The following CELF4 variants were observed in gnomAD, a reference collection of about 807,000 sequenced individuals.
CELF4 encodes the protein CUGBP Elav-like family member 4.
In CELF4, 18 loss-of-function variants were observed where a neutral mutation model predicts 59.9. The ratio of observed to expected loss-of-function variants is 0.30; its 90% CI spans 0.21 to 0.45. The LOEUF (loss-of-function observed/expected upper bound fraction) is 0.45, where lower values mean the gene tolerates loss of function less well. CELF4 is among the 20% of genes least tolerant of loss of function. The pLI is 1.00. For missense variants in CELF4, 456 were observed against 689.0 expected (o/e 0.66, Z 3.79); for synonymous variants, 261 against 267.1 (o/e 0.98, Z 0.22).
chr18:37,510,168 G>A (rs1271090290), intron 1 of CELF4, among the ~76,000 whole-genome samples: 1 of 152,160 alleles, frequency 6.6e-6, no homozygotes, highest in Non-Finnish European at 1.5e-5. Flanking sequence ...GAAAAGAAGA[G>A]TAAAGAAAAG....
chr18:37,289,353 AAG>A (rs10598331), intron 3 of CELF4, among the ~76,000 whole-genome samples: 79,403 of 151,596 alleles, frequency 0.52, 21,927 homozygotes, highest in African/African-American at 0.7. Context: ...ACAGAATGCA[AAG>A]AGCTTCGTTA....
intron 1 of CELF4, among the ~76,000 whole-genome samples, chr18:37,508,114 T>A (rs2099940243): frequency 6.6e-6 from 1 of 152,234 alleles, no homozygotes; most frequent in Admixed American, 6.5e-5. Context: ...TCTGGGCCTC[T>A]CCTTTCTCCC....
chr18:37,301,061 G>A (rs2095998163), intron 3 of CELF4, among the ~76,000 whole-genome samples: 1 of 152,154 alleles, frequency 6.6e-6, no homozygotes, highest in South Asian at 2.1e-4. Context: ...GGTGGGGCAG[G>A]AGACACAGGA....
chr18:37,468,764 G>A (rs2099814559), intron 2 of CELF4, among the ~76,000 whole-genome samples: 1 of 152,232 alleles, frequency 6.6e-6, no homozygotes, highest in African/African-American at 2.4e-5. Context: ...TTACATGGCA[G>A]CAGGGGAGAG....
Position 37,291,036 on chromosome 18 carries a change from A to G in CELF4, c.449-15793T>C, listed in dbSNP as rs548609396. 3.3e-5 allele frequency among the ~76,000 whole-genome samples: 5 copies of G among 152,168 alleles called. No individual in the cohort carries two copies. The South Asian group carries it at 1.0e-3, about 32-fold the overall frequency. Reference sequence around the variant, plus strand: ...GCAATTCTCCTGCCTCAGCCTCTTGAGTAGCTGGGATTACAGGCATGTGCC... The same window carrying G: ...GCAATTCTCCTGCCTCAGCCTCTTGGGTAGCTGGGATTACAGGCATGTGCC... On this transcript the variant is annotated intron_variant, in intron 3 of 12. Transcript: ENST00000420428.
intron 2 of CELF4, among the ~76,000 whole-genome samples, chr18:37,384,560 TG>T (rs1177492691): frequency 6.6e-6 from 1 of 151,852 alleles, no homozygotes; most frequent in Non-Finnish European, 1.5e-5. Flanking sequence ...GACACAGGCC[TG>T]GGACACTGGC....
At chr18:37,324,838 C>T (rs1360575112) in intron 2 of CELF4, among the ~76,000 whole-genome samples, 1 of 152,190 alleles carries the variant, frequency 6.6e-6, no homozygotes, top group African/African-American at 2.4e-5. Flanking sequence ...TTATCTCTAA[C>T]TTCAGTCAAG....
intron 10 of CELF4, among the ~76,000 whole-genome samples, chr18:37,259,581 T>C (rs1207944776): frequency 6.6e-6 from 1 of 152,138 alleles, no homozygotes; most frequent in Non-Finnish European, 1.5e-5. Flanking sequence ...GACCTACTGC[T>C]GTGTCTCTGG....
At chr18:37,448,526 C>T (rs764695317) in intron 2 of CELF4, among the ~76,000 whole-genome samples, 10 of 152,248 alleles carry the variant, frequency 6.6e-5, no homozygotes, top group South Asian at 4.1e-4. Context: ...CCAGCTCTGA[C>T]GCATTTGCTG....
At chr18:37,367,485 C>T (rs1212974382) in intron 2 of CELF4, among the ~76,000 whole-genome samples, 2 of 151,978 alleles carry the variant, frequency 1.3e-5, no homozygotes, top group African/African-American at 4.8e-5. Context: ...GGAAAGGATG[C>T]TCTGGGAAGG....
intron 1 of CELF4, among the ~76,000 whole-genome samples, chr18:37,511,015 A>T (rs531404000): frequency 6.6e-6 from 1 of 152,110 alleles, no homozygotes; most frequent in Non-Finnish European, 1.5e-5. Flanking sequence ...CCTCCTGGTC[A>T]TCACCATCCC....
rs558102905 is a variant in CELF4, at chr18:37,396,964, G to T, written c.370-75083C>A. ...AAGAGCCAGGATTCCGTCTCTGAGG[G>T]TGCAGGCTTGTGTCTGGATGTCTTC... On this transcript the variant is annotated intron_variant, in intron 2 of 12. Coordinates refer to ENST00000420428, the MANE Select transcript of CELF4 (RefSeq NM_020180.4). Among the ~76,000 whole-genome samples the T allele has an allele frequency of 4.6e-5, 7 of 152,278 alleles. No individual in the cohort carries two copies. The South Asian group carries it at 1.5e-3, about 32-fold the overall frequency.
chr18:37,531,125 G>A (rs2099969221), intron 1 of CELF4, among the ~76,000 whole-genome samples: 1 of 152,084 alleles, frequency 6.6e-6, no homozygotes, highest in African/African-American at 2.4e-5. Context: ...CCTCAGGCCA[G>A]GACAAGGTTC....
chr18:37,531,480 A>T (rs553849876), intron 1 of CELF4, among the ~76,000 whole-genome samples: 1 of 152,238 alleles, frequency 6.6e-6, no homozygotes, highest in East Asian at 1.9e-4. Context: ...CAAGAATTAT[A>T]TCCACTCCGT....
chr18:37,555,966 G>A (rs1175301276), intron 1 of CELF4, among the ~76,000 whole-genome samples: 6 of 152,166 alleles, frequency 3.9e-5, no homozygotes, highest in African/African-American at 1.4e-4. Context: ...CTGTGTGTAT[G>A]AGTGTGTGTG....
At chr18:37,476,885 G>T (rs2099851134) in intron 2 of CELF4, among the ~76,000 whole-genome samples, 1 of 152,328 alleles carries the variant, frequency 6.6e-6, no homozygotes, top group East Asian at 1.9e-4. Context: ...ATTCACACCT[G>T]CACCGGCGGC....
intron 2 of CELF4, among the ~76,000 whole-genome samples, chr18:37,376,508 G>C (rs2098971267): frequency 6.6e-6 from 1 of 152,124 alleles, no homozygotes; most frequent in South Asian, 2.1e-4. Context: ...TACTCTTCTG[G>C]TCCTAGCTCA....
intron 1 of CELF4, among the ~76,000 whole-genome samples, chr18:37,532,942 T>G (rs1178682888): frequency 6.6e-6 from 1 of 152,220 alleles, no homozygotes; most frequent in Non-Finnish European, 1.5e-5. Context: ...TGCTGGACAA[T>G]TATTCAGGCA....
In CELF4 at chr18:37,341,485, G is replaced by A. The variant is rs547718703; in HGVS notation, c.370-19604C>T. 2.0e-5 allele frequency among the ~76,000 whole-genome samples: 3 copies of A among 152,352 alleles called. No homozygotes were observed. The South Asian group carries it at 6.2e-4, about 32-fold the overall frequency. On this transcript the variant is annotated intron_variant, in intron 2 of 12. Transcript: ENST00000420428. ...AGACTGGGGCCACTCAGCCTGAGCA[G>A]GTGCAGGGGCATCCCACTGGAAGGC...
Sources: allele counts gnomAD v4.1 joint callset (sites outside exome capture counted in the v4.1 genomes callset), GRCh38; gene constraint gnomAD v4.1.1; transcripts MANE v1.5; gene names NCBI Gene and HGNC (gene_info 2026-07-23, HGNC 2026-07-21).